FBXL22: variants seen among roughly 807,000 people sequenced by gnomAD.
FBXL22 encodes the protein F-box and leucine rich repeat protein 22.
FBXL22 carries 13 observed loss-of-function variants against 11.7 expected under a neutral mutation model. That is an observed-to-expected ratio of 1.11 (90% CI 0.73 to 1.77). The LOEUF is 1.77. Ranked by LOEUF, FBXL22 falls within the 40% of genes most tolerant of loss-of-function variation. FBXL22 has a pLI of 0.00. For synonymous variants in FBXL22, 160 were observed against 144.1 expected, an observed-to-expected ratio of 1.11 and a Z score of -0.79; for missense variants, 406 against 320.4, an observed-to-expected ratio of 1.27 and a Z score of -2.04.
downstream of FBXL22, among the ~76,000 whole-genome samples, chr15:63,603,929 A>G (rs554265591): frequency 2.8e-4 from 43 of 152,292 alleles, no homozygotes; most frequent in African/African-American, 1.0e-3. Flanking sequence ...TTTTTCTCCC[A>G]TTACTCTGAA....
At chr15:63,600,372 G>A in intron 1 of FBXL22, 6 of 1,122,398 alleles carry the variant, frequency 5.3e-6, no homozygotes, top group South Asian at 8.8e-5. Context: ...GTCAAGGGTT[G>A]TGGCTCCTGG....
chr15:63,603,163 C>T (rs62012783), downstream of FBXL22, among the ~76,000 whole-genome samples: 4,222 of 152,240 alleles, frequency 0.028, 96 homozygotes, highest in Non-Finnish European at 0.042. Context: ...CCAAAAATTA[C>T]TTCAAAATGG....
chr15:63,599,687 G>C (rs2152688444), intron 1 of FBXL22: 1 of 987,054 alleles, frequency 1.0e-6, no homozygotes, highest in African/African-American at 1.7e-5. Context: ...GGCAGTCACG[G>C]AGCTGCGGGG....
chr15:63,605,526 CACAGGT>C (rs1300129695), downstream of FBXL22, among the ~76,000 whole-genome samples: 3 of 152,190 alleles, frequency 2.0e-5, no homozygotes, highest in Non-Finnish European at 4.4e-5. Context: ...TGAGCTGGGC[CACAGGT>C]TCCAACCGTT....
At chr15:63,605,316 C>T (rs2067407833), downstream of FBXL22, among the ~76,000 whole-genome samples, 1 of 152,196 alleles carries the variant, frequency 6.6e-6, no homozygotes, top group South Asian at 2.1e-4. Flanking sequence ...GATATGACCT[C>T]TCTGAGCCTC....
At chr15:63,603,033 A>T (rs1352514285), downstream of FBXL22, among the ~76,000 whole-genome samples, 3 of 152,088 alleles carry the variant, frequency 2.0e-5, no homozygotes, top group African/African-American at 7.2e-5. Context: ...CCCCTTTCTC[A>T]CCAGATATGC....
chr15:63,605,516 T>C (rs1017508638), downstream of FBXL22, among the ~76,000 whole-genome samples: 6 of 152,210 alleles, frequency 3.9e-5, no homozygotes, highest in Non-Finnish European at 8.8e-5. Flanking sequence ...ACAGAGCTTT[T>C]GAGCTGGGCC....
chr15:63,607,817 C>T, the FBXL22 span, among the ~76,000 whole-genome samples: 3 of 152,168 alleles, frequency 2.0e-5, no homozygotes, highest in East Asian at 1.9e-4. Flanking sequence ...AAGCTGTCCA[C>T]AGGCCTTCCC....
At chr15:63,598,575 C>T (rs1409002272) in intron 1 of FBXL22, among the ~76,000 whole-genome samples, 2 of 152,198 alleles carry the variant, frequency 1.3e-5, no homozygotes, top group Non-Finnish European at 2.9e-5. Context: ...CACTGAGCTT[C>T]TGCCAGTCCC....
downstream of FBXL22, among the ~76,000 whole-genome samples, chr15:63,607,211 A>T (rs543718133): frequency 6.6e-6 from 1 of 152,098 alleles, no homozygotes; most frequent in East Asian, 1.9e-4. Context: ...ATGCCCAGCT[A>T]ATTTTTTTTA....
At chr15:63,606,247 C>A (rs918883773), downstream of FBXL22, among the ~76,000 whole-genome samples, 1 of 152,224 alleles carries the variant, frequency 6.6e-6, no homozygotes, top group African/African-American at 2.4e-5. Flanking sequence ...GGCTAAAAAC[C>A]AAGCTCACAA....
At chr15:63,604,783 A>C (rs1358016033), downstream of FBXL22, among the ~76,000 whole-genome samples, 2 of 152,218 alleles carry the variant, frequency 1.3e-5, no homozygotes, top group African/African-American at 4.8e-5. Context: ...AGCCAGGTGC[A>C]GTGGCTCACG....
At chr15:63,599,645 T>G in intron 1 of FBXL22, 2 of 988,818 alleles carry the variant, frequency 2.0e-6, no homozygotes, top group Non-Finnish European at 1.2e-6. Context: ...TTCCCTCCCC[T>G]GGCACAAAGG....
Position 63,597,499 on chromosome 15 carries a change from G to T in FBXL22, c.107G>T (p.Cys36Phe). 3 of 1,614,094 alleles carry T rather than the reference G, an allele frequency of 1.9e-6. No homozygotes were observed. Among genetic ancestry groups the T allele is most frequent in the Non-Finnish European group, 2.5e-6 (3 of 1,180,030 alleles). ...AGCAGGAAGAGCCTTGCCAGGACCT[G>T]CTCCCAGCTCCACGACGTGTTTGAG... is the stretch of plus-strand genomic sequence containing the variant. ...KDSRKSLART[C>F]SQLHDVFEDP... Residue 36 changes from cysteine (C) to phenylalanine (F), a missense_variant, in exon 1 of 2, where the codon TGC becomes TTC. Transcript: ENST00000638704. This position sits in a 1 kb window ranked among gnomAD's most constrained non-coding sequence, Gnocchi z 4.3.
At chr15:63,603,802 G>A (rs2067399604), downstream of FBXL22, among the ~76,000 whole-genome samples, 1 of 152,220 alleles carries the variant, frequency 6.6e-6, no homozygotes, top group African/African-American at 2.4e-5. Flanking sequence ...CACACCACCA[G>A]CTGCAGTGGA....
At chr15:63,604,639 A>G (rs1164065370), downstream of FBXL22, among the ~76,000 whole-genome samples, 1 of 152,182 alleles carries the variant, frequency 6.6e-6, no homozygotes, top group Non-Finnish European at 1.5e-5. Context: ...AGAGCGCAAT[A>G]CCTCACTTAA....
chr15:63,599,894 A>G (rs200893175), intron 1 of FBXL22: 2 of 985,592 alleles, frequency 2.0e-6, no homozygotes. Context: ...AGTGGTAGAC[A>G]TTATTCCCCC....
At chr15:63,604,092 C>G (rs2067401395), downstream of FBXL22, among the ~76,000 whole-genome samples, 1 of 152,164 alleles carries the variant, frequency 6.6e-6, no homozygotes, top group Admixed American at 6.5e-5. Flanking sequence ...GCCTGGACAA[C>G]AACAGGATCC....
rs1187453220 is a variant in FBXL22 at position 63,597,968 on chromosome 15, G to C, written c.353+223G>C. Among the ~76,000 whole-genome samples the C allele has an allele frequency of 6.6e-6, 1 of 152,192 alleles. No homozygotes were observed. Among genetic ancestry groups the C allele is most frequent in the Non-Finnish European group, 1.5e-5 (1 of 68,036 alleles). On this transcript the variant is annotated intron_variant, in intron 1 of 1. Transcript: ENST00000638704. The surrounding 1 kb of genome is among the most constrained non-coding windows in gnomAD (Gnocchi z 4.3). The stretch of plus-strand genomic sequence containing the variant: ...CCTCCTCTTAGCCTCACAGGTCCTG[G>C]GCTGCTTCATGCAAACACCAAGAAG...
Sources: gnomAD v4.1 joint callset for allele counts (sites outside exome capture counted in the v4.1 genomes callset) on GRCh38, gnomAD v4.1.1 for gene constraint, Gnocchi (gnomAD v3.1) non-coding constraint, MANE v1.5 for transcripts, NCBI Gene and HGNC (gene_info 2026-07-23, HGNC 2026-07-21) for gene names.